The following ADAM21 variants were observed in gnomAD, a reference collection of about 807,000 sequenced individuals.
ADAM21 encodes ADAM metallopeptidase domain 21.
For missense variants in ADAM21, 678 were observed against 874.4 expected (o/e 0.78, Z 2.83); for synonymous variants, 262 against 306.0 (o/e 0.86, Z 1.50).
chr14:70,453,332 G>A (rs564917185), intron 1 of ADAM21: 12 of 152,290 alleles, frequency 7.9e-5, no homozygotes, highest in Admixed American at 2.0e-4. Flanking sequence ...GGTAGAGAGC[G>A]GTCTTGATGA....
chr14:70,452,770 T>C (rs568690265), intron 1 of ADAM21, among the ~76,000 whole-genome samples: 1 of 152,254 alleles, frequency 6.6e-6, no homozygotes, highest in African/African-American at 2.4e-5. Context: ...TGCAGCACTT[T>C]CAGTTTTAAA....
rs1349732276 is a variant in ADAM21 at position 70,453,038 on chromosome 14, G to GTA, written c.-152+776_-152+777insAT. Among the ~76,000 whole-genome samples the GTA allele has an allele frequency of 2.0e-5, 3 of 150,798 alleles. 1 individual carries two copies. The highest frequency in any genetic ancestry group is 4.4e-5 in the Non-Finnish European group (3 of 67,512). On this transcript the variant is annotated intron_variant, in intron 1 of 1. Coordinates refer to ENST00000603540, the MANE Select transcript of ADAM21 (RefSeq NM_003813.4). ...ACCATTTTATCTTTGAATTTGGCGT[G>GTA]TGTGTGTGTGTGTGTGTGTATCATA... is the stretch of plus-strand genomic sequence containing the variant.
In ADAM21 at chr14:70,459,562, T is replaced by C. The variant is rs1489926336; in HGVS notation, c.2063T>C (p.Val688Ala). The C allele has an allele frequency of 1.2e-6, 2 of 1,614,190 alleles. No individual in the cohort carries two copies. The highest frequency in any genetic ancestry group is 1.1e-5 in the South Asian group (1 of 91,086). ...AGAGGAGTTTTTTTGCCGCTGATTG[T>C]GATTCCTTCTTTGTCTGTTTTGACT... ...AKRGVFLPLI[V>A]IPSLSVLTFL... is the part of the protein sequence containing the mutation. The change falls in exon 2 of 2, where the codon GTG becomes GCG. Residue 688 changes from valine (V) to alanine (A), a missense_variant. Transcript: ENST00000603540.
rs539111746 is a variant in ADAM21, at chr14:70,459,376, G to A, written c.1877G>A (p.Ser626Asn). Residue 626 changes from serine (S) to asparagine (N), a missense_variant, in exon 2 of 2, where the codon AGT becomes AAT. Ser to Asn is a conservative substitution (Grantham distance 46). Coordinates refer to ENST00000603540, the MANE Select transcript of ADAM21 (RefSeq NM_003813.4). ...ATCTGCATCCATAAGAAGTGTGTCA[G>A]TCTGTCTGTCTTGTCACATGTCTGC... ...GKICIHKKCV[S>N]LSVLSHVCLP... 1.4e-5 allele frequency: 23 copies of A among 1,614,042 alleles called. No individual in the cohort carries two copies. The highest frequency in any genetic ancestry group is 2.2e-5 in the East Asian group (1 of 44,902).
At chr14:70,456,574 C>G (rs780081198) in intron 1 of ADAM21, among the ~76,000 whole-genome samples, 2 of 152,166 alleles carry the variant, frequency 1.3e-5, no homozygotes, top group Non-Finnish European at 2.9e-5. Flanking sequence ...TTCGTTTTGT[C>G]TTTGGGACTC....
In ADAM21 at chr14:70,452,211, G is replaced by A. The variant is rs1889046476; in HGVS notation, c.-204G>A. On this transcript the variant is annotated 5_prime_UTR_variant, in exon 1 of 2. The change abolishes an upstream ATG in the 5' untranslated region. Transcript: ENST00000603540. ...CAGCTACAAACCATTGATAAAGCAT[G>A]GTATAAACCATCTAGACAGAAATGG... 6.6e-6 allele frequency: 1 copy of A among 152,086 alleles called. No individual in the cohort carries two copies. Among genetic ancestry groups the A allele is most frequent in the Admixed American group, 6.5e-5 (1 of 15,270 alleles). 9.4% of individuals were successfully genotyped at this position (152,086 alleles called of 1,614,324 possible). A position where few individuals can be genotyped will look rare whatever the true frequency, so the allele number is the denominator to read the frequency against.
rs1882499230 is a variant in ADAM21, at chr14:70,459,787, A to T, written c.*119A>T. 8.1e-7 allele frequency: 1 copy of T among 1,231,594 alleles called. No homozygotes were observed. Among genetic ancestry groups the T allele is most frequent in the Admixed American group, 2.2e-5 (1 of 45,172 alleles). 76.3% of individuals were successfully genotyped at this position (1,231,594 alleles called of 1,614,324 possible). A position where few individuals can be genotyped will look rare whatever the true frequency, so the allele number is the denominator to read the frequency against. On this transcript the variant is annotated 3_prime_UTR_variant, in exon 2 of 2. Coordinates refer to ENST00000603540, the MANE Select transcript of ADAM21 (RefSeq NM_003813.4). ...TGACCATTTCCAGAAAGCTGCAAAG[A>T]TCTTCCCTTACATTAGTACCACAAA... is the stretch of plus-strand genomic sequence containing the variant.
intron 1 of ADAM21, among the ~76,000 whole-genome samples, 167 bp from the exon 2 acceptor site, chr14:70,457,182 G>A (rs1016507623): frequency 8.6e-5 from 13 of 152,042 alleles, no homozygotes; most frequent in African/African-American, 2.4e-4. Flanking sequence ...TCACCACGTG[G>A]CCAATGTTGT....
At chr14:70,452,594 C>CT (rs1889053210) in intron 1 of ADAM21, among the ~76,000 whole-genome samples, 1 of 152,172 alleles carries the variant, frequency 6.6e-6, no homozygotes, top group Non-Finnish European at 1.5e-5. Context: ...TCTCGATCTC[C>CT]TGACCTCGTG....
At chr14:70,454,518 A>G (rs1163863217) in intron 1 of ADAM21, among the ~76,000 whole-genome samples, 1 of 152,190 alleles carries the variant, frequency 6.6e-6, no homozygotes, top group Non-Finnish European at 1.5e-5. Context: ...ATTAAGAGAA[A>G]TGGGGGATGA....
At position 70,459,801 on chromosome 14, in the gene ADAM21, T is replaced by C. The variant is rs1447927759; in HGVS notation, c.*133T>C. On this transcript the variant is annotated 3_prime_UTR_variant, in exon 2 of 2. Transcript: ENST00000603540. ...AAGCTGCAAAGATCTTCCCTTACAT[T>C]AGTACCACAAACATTGTCATTAAGT... 6 of 1,053,436 alleles carry C rather than the reference T, an allele frequency of 5.7e-6. No homozygotes were observed. Among genetic ancestry groups the C allele is most frequent in the East Asian group, 2.4e-5 (1 of 41,822 alleles). 65.3% of individuals were successfully genotyped at this position (1,053,436 alleles called of 1,614,324 possible). A position where few individuals can be genotyped will look rare whatever the true frequency, so the allele number is the denominator to read the frequency against.
intron 1 of ADAM21, among the ~76,000 whole-genome samples, chr14:70,452,943 T>C (rs10135431): frequency 0.066 from 9,988 of 152,138 alleles, 559 homozygotes; most frequent in African/African-American, 0.15. Context: ...GAGGGGCTAA[T>C]GAGACTAGAG....
intron 1 of ADAM21, among the ~76,000 whole-genome samples, chr14:70,452,752 TTGCTGGG>T (rs1430099992): frequency 3.3e-5 from 5 of 152,314 alleles, no homozygotes; most frequent in African/African-American, 1.2e-4. Flanking sequence ...ACTGAGGGGA[TTGCTGGG>T]TGCAGCACTT....
chr14:70,452,480 C>T (rs1409786254), intron 1 of ADAM21, among the ~76,000 whole-genome samples: 1 of 152,200 alleles, frequency 6.6e-6, no homozygotes, highest in Non-Finnish European at 1.5e-5. Context: ...ATTCTCCTCC[C>T]TCAGCCTCCT....
In ADAM21 at chr14:70,459,041, C is replaced by T. The variant is rs774588952; in HGVS notation, c.1542C>T (p.Cys514=). ...GGTGTAATAACCATGACCAGCATTG[C>T]AGGGAGATTTTTGGTAAAGATGCAA... The part of the protein sequence containing the change: ...QKRCNNHDQH[C]REIFGKDAKS... Residue 514 remains cysteine (C), a synonymous_variant, in exon 2 of 2, where the codon TGC becomes TGT. Coordinates refer to ENST00000603540, the MANE Select transcript of ADAM21 (RefSeq NM_003813.4). 2.5e-6 allele frequency: 4 copies of T among 1,613,786 alleles called. No individual in the cohort carries two copies. In the African/African-American group the frequency reaches 5.3e-5, roughly 22 times the overall value.
intron 1 of ADAM21, among the ~76,000 whole-genome samples, chr14:70,453,000 G>A (rs571530205): frequency 4.2e-4 from 64 of 151,850 alleles, no homozygotes; most frequent in Non-Finnish European, 8.5e-4. Flanking sequence ...TTCAGATGGT[G>A]AAAGGCCCAG....
Position 70,457,889 on chromosome 14 carries a change from G to A in ADAM21, c.390G>A (p.Gly130=). 1 of 1,613,960 alleles carries A rather than the reference G, an allele frequency of 6.2e-7. No homozygotes were observed. Among genetic ancestry groups the A allele is most frequent in the South Asian group, 1.1e-5 (1 of 91,056 alleles). ...TGGTTGTGTTCAGTGCTTGTTTTGG[G>A]GGCTTTCGAGGAGTATTAAAAATAA... is the stretch of plus-strand genomic sequence containing the variant. ...ESLVVFSACF[G]GFRGVLKISG... Residue 130 remains glycine, a synonymous_variant, in exon 2 of 2, where the codon GGG becomes GGA. Transcript: ENST00000603540.
intron 1 of ADAM21, among the ~76,000 whole-genome samples, chr14:70,453,042 G>GTGTA (rs1436571186): frequency 6.6e-6 from 1 of 151,488 alleles, no homozygotes; most frequent in Non-Finnish European, 1.5e-5. Flanking sequence ...TGGCGTGTGT[G>GTGTA]TGTGTGTGTG....
In ADAM21 at chr14:70,457,706, C is replaced by A. The variant is rs1254329803; in HGVS notation, c.207C>A (p.Gly69=). The A allele has an allele frequency of 1.2e-6, 2 of 1,613,854 alleles. No homozygotes were observed. Among genetic ancestry groups the A allele is most frequent in the South Asian group, 1.1e-5 (1 of 91,036 alleles). Residue 69 remains glycine, a synonymous_variant, in exon 2 of 2, where the codon GGC becomes GGA. Transcript: ENST00000603540. ...TCTCCTATAGTCTGCGGTTTGGGGGCCAGAAACACGTTGTTCATATGAGGG... is the reference window on the plus strand; with the variant it reads ...TCTCCTATAGTCTGCGGTTTGGGGGACAGAAACACGTTGTTCATATGAGGG... The part of the protein sequence containing the change: ...GWLSYSLRFG[G]QKHVVHMRVK...
Sources: allele counts gnomAD v4.1 joint callset (sites outside exome capture counted in the v4.1 genomes callset), GRCh38; gene constraint gnomAD v4.1.1; transcripts MANE v1.5; gene names NCBI Gene and HGNC (gene_info 2026-07-23, HGNC 2026-07-21).